The following ZBTB20 variants were observed in gnomAD, a reference collection of about 807,000 sequenced individuals.
ZBTB20 encodes the protein zinc finger and BTB domain-containing protein 20.
Under a neutral mutation model 56.9 loss-of-function variants are expected in ZBTB20, and 9 were observed. The observed-to-expected ratio is 0.16, with a 90% confidence interval of 0.10 to 0.28. ZBTB20 has a LOEUF of 0.28. Among genes scored for constraint, ZBTB20 ranks in the 10% least tolerant of loss-of-function variants. The probability of loss-of-function intolerance (pLI) is 1.00; values close to 1 mark genes in which losing one functional copy is unlikely to be tolerated. For missense variants in ZBTB20, 655 were observed against 1,003.0 expected, an observed-to-expected ratio of 0.65 and a Z score of 4.69; for synonymous variants, 417 against 420.7, an observed-to-expected ratio of 0.99 and a Z score of 0.11.
Position 114,316,880 on chromosome 3 carries a change from C to A in ZBTB20, c.*22125G>T. 4.7e-6 allele frequency: 1 copy of A among 213,370 alleles called. No individual in the cohort carries two copies. The highest frequency in any genetic ancestry group is 5.9e-5 in the South Asian group (1 of 16,844). 13.2% of individuals were successfully genotyped at this position (213,370 alleles called of 1,614,324 possible). A position where few individuals can be genotyped will look rare whatever the true frequency, so the allele number is the denominator to read the frequency against. ...GGGCACCTTAGCAGCAGCAGCAGCA[C>A]CTTTATGAGAAGGTAGAGATAGAAA... On this transcript the variant is annotated 3_prime_UTR_variant, in exon 12 of 12. Transcript: ENST00000675478.
chr3:114,403,015 AT>A (rs1472159871), intron 7 of ZBTB20, among the ~76,000 whole-genome samples: 1 of 152,164 alleles, frequency 6.6e-6, no homozygotes, highest in African/African-American at 2.4e-5. Flanking sequence ...TGATTATATT[AT>A]TTTGCATTGT....
chr3:114,810,921 G>A (rs2072473713), intron 4 of ZBTB20, among the ~76,000 whole-genome samples: 1 of 151,972 alleles, frequency 6.6e-6, no homozygotes, highest in Admixed American at 6.6e-5. Flanking sequence ...GGTTTGGGGG[G>A]GATTAAGAAT....
chr3:114,981,877 TTG>T (rs1159373480), intron 2 of ZBTB20, among the ~76,000 whole-genome samples: 2 of 152,064 alleles, frequency 1.3e-5, no homozygotes, highest in Admixed American at 6.6e-5. Context: ...ATGGTTTTTC[TTG>T]TGTGTTATTA....
At chr3:115,103,257 T>C (rs997696065) in intron 1 of ZBTB20, among the ~76,000 whole-genome samples, 1 of 152,208 alleles carries the variant, frequency 6.6e-6, no homozygotes, top group Non-Finnish European at 1.5e-5. Context: ...AAAGTGGAAG[T>C]TAAAAACTGG....
rs1373901921 is a variant in ZBTB20 at position 114,332,069 on chromosome 3, T to TTC, written c.*6935_*6936insGA. 2 of 148,646 alleles carry TTC rather than the reference T, an allele frequency of 1.3e-5. No homozygotes were observed. Among genetic ancestry groups the TTC allele is most frequent in the African/African-American group, 5.0e-5 (2 of 40,144 alleles). 9.2% of individuals were successfully genotyped at this position (148,646 alleles called of 1,614,324 possible). On this transcript the variant is annotated 3_prime_UTR_variant, in exon 12 of 12. Transcript: ENST00000675478. Reference sequence around the variant, plus strand: ...CAGATGCCCCCAAGGTTTTTTTTTTTTTTTTTTTTTTTTTCTCTCTTGGAT... The same window carrying TTC: ...CAGATGCCCCCAAGGTTTTTTTTTTTTCTTTTTTTTTTTTTTCTCTCTTGGAT...
chr3:114,789,490 T>G (rs1477388556), intron 5 of ZBTB20, among the ~76,000 whole-genome samples: 2 of 152,176 alleles, frequency 1.3e-5, no homozygotes, highest in African/African-American at 4.8e-5. Context: ...AAAAAAACTT[T>G]ATAGGTTTTA....
In ZBTB20 at chr3:114,324,871, A is replaced by C. The variant is rs1415999306; in HGVS notation, c.*14134T>G. 2 of 152,126 alleles carry C rather than the reference A, an allele frequency of 1.3e-5. No individual in the cohort carries two copies. The highest frequency in any genetic ancestry group is 2.9e-5 in the Non-Finnish European group (2 of 68,022). The allele number at this position is 152,126 out of a possible 1,614,324, so 9.4% of individuals were successfully genotyped here. On this transcript the variant is annotated 3_prime_UTR_variant, in exon 12 of 12. Transcript: ENST00000675478. ...AGTTTGTCTGGGTCTTCACCCTCCA[A>C]AGGTAAGTCTGCTTGTCTGCTCATA...
At chr3:115,130,474 C>G (rs1191586828) in intron 1 of ZBTB20, among the ~76,000 whole-genome samples, 1 of 152,212 alleles carries the variant, frequency 6.6e-6, no homozygotes, top group African/African-American at 2.4e-5. Context: ...TAAGTTTTAT[C>G]AAGGGATATC....
intron 7 of ZBTB20, among the ~76,000 whole-genome samples, chr3:114,481,585 G>A (rs1244184296): frequency 6.6e-6 from 1 of 152,182 alleles, no homozygotes; most frequent in African/African-American, 2.4e-5. Context: ...TATTTTGCAG[G>A]CAAGTATTGG....
At chr3:114,421,758 T>G (rs1375850437) in intron 7 of ZBTB20, among the ~76,000 whole-genome samples, 1 of 152,108 alleles carries the variant, frequency 6.6e-6, no homozygotes. Flanking sequence ...GAATGTTAAT[T>G]TCCTGGTGAA....
chr3:114,649,560 G>T (rs1407254110), intron 6 of ZBTB20, among the ~76,000 whole-genome samples: 1 of 151,778 alleles, frequency 6.6e-6, no homozygotes, highest in Non-Finnish European at 1.5e-5. Flanking sequence ...CTCTTTTAGG[G>T]GGTCATATAG....
chr3:114,909,078 A>G (rs1576296998), intron 3 of ZBTB20, among the ~76,000 whole-genome samples: 1 of 152,018 alleles, frequency 6.6e-6, no homozygotes, highest in Admixed American at 6.6e-5. Flanking sequence ...AGCATCAGGT[A>G]GGTCCTTCAG....
chr3:114,532,062 G>A (rs183182813), intron 6 of ZBTB20, among the ~76,000 whole-genome samples: 514 of 152,288 alleles, frequency 3.4e-3, no homozygotes, highest in Admixed American at 6.3e-3. Flanking sequence ...CTGGGCGGCC[G>A]TTTGGGCAGA....
At position 114,360,725 on chromosome 3, in the gene ZBTB20, G is replaced by A. The variant is rs190494573; in HGVS notation, c.200-8847C>T. On this transcript the variant is annotated intron_variant, in intron 10 of 11. Transcript: ENST00000675478. The stretch of plus-strand genomic sequence containing the variant: ...AGACCTTCTATCCCAAAGCAACAGG[G>A]AAAAGCCAAGGAAAAAAGTAAATCT... Among the ~76,000 whole-genome samples, 997 of 152,156 alleles carry A rather than the reference G, an allele frequency of 6.6e-3. 8 individuals are homozygous for A. The highest frequency in any genetic ancestry group is 9.9e-3 in the Non-Finnish European group (670 of 67,992).
chr3:114,700,644 G>A (rs2063335638), intron 5 of ZBTB20, among the ~76,000 whole-genome samples: 1 of 152,130 alleles, frequency 6.6e-6, no homozygotes, highest in African/African-American at 2.4e-5. Context: ...AGGAGATTCA[G>A]AGAAATCTCC....
intron 7 of ZBTB20, among the ~76,000 whole-genome samples, chr3:114,435,468 A>C (rs2090457159): frequency 6.6e-6 from 1 of 152,206 alleles, no homozygotes; most frequent in Admixed American, 6.5e-5. Flanking sequence ...TCACACAGCT[A>C]GTAGGGACTA....
At chr3:114,459,734 T>C (rs750519662) in intron 7 of ZBTB20, among the ~76,000 whole-genome samples, 67 of 152,238 alleles carry the variant, frequency 4.4e-4, no homozygotes, top group Non-Finnish European at 8.1e-4. Flanking sequence ...GAAAATAATA[T>C]TGGAGGGTAT....
intron 4 of ZBTB20, among the ~76,000 whole-genome samples, chr3:114,805,661 T>G (rs1468656479): frequency 6.6e-6 from 1 of 151,892 alleles, no homozygotes; most frequent in Admixed American, 6.6e-5. Flanking sequence ...TGTGTATAAC[T>G]CAATGACATT....
chr3:115,013,994 A>G (rs1003855858), intron 2 of ZBTB20, among the ~76,000 whole-genome samples: 1 of 151,626 alleles, frequency 6.6e-6, no homozygotes, highest in Non-Finnish European at 1.5e-5. Flanking sequence ...TGTTTATTGC[A>G]GTGATATTTA....
Sources: allele counts gnomAD v4.1 joint callset (sites outside exome capture counted in the v4.1 genomes callset), GRCh38; gene constraint gnomAD v4.1.1; transcripts MANE v1.5; gene names NCBI Gene and HGNC (gene_info 2026-07-23, HGNC 2026-07-21).